DDR2: variants seen among roughly 807,000 people sequenced by gnomAD.
DDR2 encodes discoidin domain receptor tyrosine kinase 2, also known as discoidin domain-containing receptor 2.
DDR2 carries 27 observed loss-of-function variants against 94.9 expected under a neutral mutation model. The observed-to-expected ratio is 0.28, with a 90% CI of 0.21 to 0.39. DDR2 has a LOEUF of 0.39. Among genes scored for constraint, DDR2 ranks in the 10% least tolerant of loss-of-function variants. The pLI is 1.00. For missense variants in DDR2, 783 were observed against 1,076.0 expected (o/e 0.73, Z 3.81); for synonymous variants, 382 against 377.2 (o/e 1.01, Z -0.15).
At chr1:162,688,708 C>T (rs115658926) in intron 2 of DDR2, among the ~76,000 whole-genome samples, 81 of 152,324 alleles carry the variant, frequency 5.3e-4, no homozygotes, top group African/African-American at 1.9e-3. Context: ...TGTGGAGCTT[C>T]AGGAGACGTG....
upstream of DDR2, chr1:162,632,016 G>A (rs990854257): frequency 3.3e-5 from 5 of 151,844 alleles, no homozygotes; most frequent in Non-Finnish European, 5.9e-5. Context: ...GGTCAGCTCC[G>A]CGTGTGTGCC....
At chr1:162,686,139 C>T (rs2101966653) in intron 2 of DDR2, among the ~76,000 whole-genome samples, 1 of 152,288 alleles carries the variant, frequency 6.6e-6, no homozygotes, top group South Asian at 2.1e-4. Flanking sequence ...GATTCTCCTA[C>T]TTTATCCTCT....
intron 3 of DDR2, among the ~76,000 whole-genome samples, chr1:162,732,481 C>T (rs1391126831): frequency 1.3e-5 from 2 of 152,282 alleles, no homozygotes; most frequent in African/African-American, 4.8e-5. Context: ...TCCTGGTTAC[C>T]CTAGCCCTCT....
At chr1:162,774,208 A>G (rs1647396717) in intron 14 of DDR2, among the ~76,000 whole-genome samples, 1 of 152,182 alleles carries the variant, frequency 6.6e-6, no homozygotes, top group African/African-American at 2.4e-5. Flanking sequence ...GTTTCCAGCC[A>G]CACTTCATTG....
intron 2 of DDR2, among the ~76,000 whole-genome samples, chr1:162,710,549 T>G (rs755902430): frequency 6.6e-6 from 1 of 152,248 alleles, no homozygotes; most frequent in Non-Finnish European, 1.5e-5. Context: ...AGCTCATTTC[T>G]GCATATTTGT....
intron 2 of DDR2, among the ~76,000 whole-genome samples, chr1:162,678,461 C>T (rs1452338846): frequency 1.3e-5 from 2 of 152,184 alleles, no homozygotes; most frequent in African/African-American, 4.8e-5. Context: ...TCAAATACAT[C>T]CTCTGGGATT....
chr1:162,750,453 C>T (rs968695502), intron 3 of DDR2, among the ~76,000 whole-genome samples: 2 of 152,262 alleles, frequency 1.3e-5, no homozygotes, highest in South Asian at 4.2e-4. Flanking sequence ...TGAAGGACCT[C>T]TTCAAGGAGA....
At chr1:162,735,849 G>A (rs774820498) in intron 3 of DDR2, among the ~76,000 whole-genome samples, 18 of 152,236 alleles carry the variant, frequency 1.2e-4, no homozygotes, top group East Asian at 1.9e-4. Flanking sequence ...TGAGCAGTAC[G>A]TTAGAAGGAA....
intron 2 of DDR2, among the ~76,000 whole-genome samples, chr1:162,695,032 A>G (rs1430175095): frequency 6.6e-6 from 1 of 152,208 alleles, no homozygotes; most frequent in Non-Finnish European, 1.5e-5. Context: ...CTGTGGAGCA[A>G]TATCATTACT....
At chr1:162,770,566 G>A (rs750184850) in intron 12 of DDR2, 54 bp downstream of exon 12, 5 of 1,557,528 alleles carry the variant, frequency 3.2e-6, no homozygotes, top group East Asian at 4.5e-5. Flanking sequence ...GCAAGCATCA[G>A]GTAGGTATGA....
intron 3 of DDR2, among the ~76,000 whole-genome samples, chr1:162,745,741 G>T (rs1325564347): frequency 6.6e-6 from 1 of 152,088 alleles, no homozygotes; most frequent in African/African-American, 2.4e-5. Context: ...TTGAAATTAG[G>T]ACGTGTGATA....
intron 3 of DDR2, among the ~76,000 whole-genome samples, chr1:162,752,658 A>T (rs1312420345): frequency 6.6e-6 from 1 of 152,114 alleles, no homozygotes; most frequent in Non-Finnish European, 1.5e-5. Flanking sequence ...TATAGTTTTT[A>T]TGCAATTAAC....
At position 162,762,101 on chromosome 1, in the gene DDR2, G is replaced by A. The variant is rs765737763; in HGVS notation, c.1099+647G>A. Among the ~76,000 whole-genome samples, 31 of 152,268 alleles carry A rather than the reference G, an allele frequency of 2.0e-4. 1 individual carries two copies. The highest frequency in any genetic ancestry group is 4.6e-4 in the Admixed American group (7 of 15,286). The stretch of plus-strand genomic sequence containing the variant: ...AACTGTCCATCAATGTCTTAATTCA[G>A]TTGACTTTATCAAATAAGGATCAAA... On this transcript the variant is annotated intron_variant, in intron 9 of 17. Transcript: ENST00000367921.
At chr1:162,713,598 C>T (rs1222913466) in intron 2 of DDR2, among the ~76,000 whole-genome samples, 1 of 152,056 alleles carries the variant, frequency 6.6e-6, no homozygotes, top group African/African-American at 2.4e-5. Flanking sequence ...ATATAGTGTG[C>T]TTTACATAAA....
chr1:162,692,445 T>C (rs1158817717), intron 2 of DDR2, among the ~76,000 whole-genome samples: 1 of 150,928 alleles, frequency 6.6e-6, no homozygotes, highest in Non-Finnish European at 1.5e-5. Flanking sequence ...ATTCAGGACA[T>C]GTAAGGACCT....
At chr1:162,640,731 G>C (rs1479148241) in intron 1 of DDR2, among the ~76,000 whole-genome samples, 1 of 152,032 alleles carries the variant, frequency 6.6e-6, no homozygotes, top group Non-Finnish European at 1.5e-5. Flanking sequence ...GCTACCTGAG[G>C]CAGAAATGTT....
chr1:162,658,553 G>A (rs73018547), intron 2 of DDR2, among the ~76,000 whole-genome samples: 4,165 of 151,398 alleles, frequency 0.028, 194 homozygotes, highest in African/African-American at 0.095. Context: ...TCTTCAGGCC[G>A]CTCAATGGCT....
chr1:162,645,284 A>AT (rs893969506), intron 1 of DDR2, among the ~76,000 whole-genome samples: 11 of 152,090 alleles, frequency 7.2e-5, no homozygotes, highest in African/African-American at 2.4e-4. Context: ...TTTATAGGGA[A>AT]TTTTTTTTCA....
At chr1:162,694,395 C>G (rs1341226339) in intron 2 of DDR2, among the ~76,000 whole-genome samples, 1 of 152,142 alleles carries the variant, frequency 6.6e-6, no homozygotes, top group Admixed American at 6.5e-5. Flanking sequence ...CCTTTAGTCT[C>G]TGGGTCTTTC....
Sources: gnomAD v4.1 joint callset for allele counts (sites outside exome capture counted in the v4.1 genomes callset) on GRCh38, gnomAD v4.1.1 for gene constraint, MANE v1.5 for transcripts, NCBI Gene and HGNC (gene_info 2026-07-23, HGNC 2026-07-21) for gene names.